Variants in TOM1 observed in about 807,000 individuals in gnomAD.
TOM1 encodes target of myb1 membrane trafficking protein.
Under a neutral mutation model 61.3 loss-of-function variants are expected in TOM1, and 38 were observed. That is an observed-to-expected ratio of 0.62 (90% CI 0.48 to 0.81). The LOEUF (loss-of-function observed/expected upper bound fraction) is 0.81, where lower values mean the gene tolerates loss of function less well. TOM1 is among the 40% of genes least tolerant of loss of function. The pLI is 0.00. For missense variants in TOM1, 591 were observed against 659.6 expected (o/e 0.90, Z 1.14); for synonymous variants, 270 against 268.8 (o/e 1.00, Z -0.04).
chr22:35,339,759 C>T (rs367779490), intron 12 of TOM1, among the ~76,000 whole-genome samples: 1,688 of 152,054 alleles, frequency 0.011, 38 homozygotes, highest in African/African-American at 0.039. Context: ...AAAAAATTAG[C>T]CGGGCGTGGT....
At chr22:35,302,468 C>T (rs1181468285) in intron 1 of TOM1, among the ~76,000 whole-genome samples, 3 of 151,448 alleles carry the variant, frequency 2.0e-5, no homozygotes, top group Non-Finnish European at 4.4e-5. Context: ...CCCAAGGTAG[C>T]CGGGATTACA....
intron 1 of TOM1, among the ~76,000 whole-genome samples, chr22:35,315,791 C>A (rs1167361270): frequency 6.6e-6 from 1 of 152,222 alleles, no homozygotes; most frequent in Admixed American, 6.5e-5. Flanking sequence ...CCTGTCCAGT[C>A]CCGCAGAAAC....
chr22:35,333,246 A>G, intron 9 of TOM1, 158 bp from the exon 10 acceptor site: 1 of 808,666 alleles, frequency 1.2e-6, no homozygotes, highest in Non-Finnish European at 2.0e-6. Context: ...GTTGAGCTGG[A>G]GCCAGAGGGG....
intron 2 of TOM1, chr22:35,318,207 T>C: frequency 1.8e-6 from 1 of 564,804 alleles, no homozygotes; most frequent in Non-Finnish European, 3.2e-6. Flanking sequence ...GCAGCCCAGA[T>C]TCCACACGGA....
intron 12 of TOM1, 119 bp downstream of exon 12, chr22:35,338,907 C>T (rs1929627025): frequency 4.3e-6 from 4 of 922,550 alleles, no homozygotes; most frequent in East Asian, 5.9e-5. Flanking sequence ...GGCCCTTCCT[C>T]GTTTGGCCGT....
chr22:35,336,502 C>G (rs1427515777), intron 11 of TOM1, among the ~76,000 whole-genome samples: 1 of 152,234 alleles, frequency 6.6e-6, no homozygotes, highest in African/African-American at 2.4e-5. Flanking sequence ...CACAGCCTTC[C>G]TGCAGCCAGT....
In TOM1 at chr22:35,332,974, C is replaced by A. The variant is rs757400563; in HGVS notation, c.900-7C>A. On this transcript the variant is annotated splice_region_variant and splice_polypyrimidine_tract_variant and intron_variant, in intron 8 of 14. Transcript: ENST00000449058. The stretch of plus-strand genomic sequence containing the variant: ...TCTCCATAACTCGTGTCTTTTCTGT[C>A]TTGTAGGTTTGAACGGTTCCGAACA... The A allele has an allele frequency of 3.7e-6, 6 of 1,614,146 alleles. No homozygotes were observed. Among genetic ancestry groups the A allele is most frequent in the South Asian group, 2.2e-5 (2 of 91,084 alleles).
chr22:35,338,669 A>G (rs1297826073), intron 11 of TOM1, 44 bp from the exon 12 acceptor site: 14 of 1,476,582 alleles, frequency 9.5e-6, no homozygotes, highest in South Asian at 1.3e-5. Context: ...TGCATCAGCC[A>G]TCGGTAAGGG....
chr22:35,344,024 C>T (rs555204913), intron 12 of TOM1, among the ~76,000 whole-genome samples: 1 of 151,806 alleles, frequency 6.6e-6, no homozygotes, highest in Admixed American at 6.5e-5. Flanking sequence ...CACACACCTA[C>T]ACTCATACAC....
Position 35,347,321 on chromosome 22 carries a change from C to A in TOM1, c.*112C>A, listed in dbSNP as rs751079811. 7 of 1,168,304 alleles carry A rather than the reference C, an allele frequency of 6.0e-6. No homozygotes were observed. Among genetic ancestry groups the A allele is most frequent in the East Asian group, 2.6e-5 (1 of 39,030 alleles). 72.4% of individuals were successfully genotyped at this position (1,168,304 alleles called of 1,614,324 possible). A position where few individuals can be genotyped will look rare whatever the true frequency, so the allele number is the denominator to read the frequency against. On this transcript the variant is annotated 3_prime_UTR_variant, in exon 15 of 15. Coordinates refer to ENST00000449058, the MANE Select transcript of TOM1 (RefSeq NM_005488.3). ...CTGCTTTGGGGGTGGCTTGTTACCC[C>A]CTTTTCCTCCTCTTTGAAGACGGAG...
At chr22:35,339,388 C>G (rs1929675934) in intron 12 of TOM1, among the ~76,000 whole-genome samples, 1 of 152,088 alleles carries the variant, frequency 6.6e-6, no homozygotes, top group African/African-American at 2.4e-5. Context: ...CCAGCTCTAC[C>G]AGTTACCAGC....
At chr22:35,331,913 A>AAGG (rs1928875594) in intron 8 of TOM1, among the ~76,000 whole-genome samples, 1 of 151,834 alleles carries the variant, frequency 6.6e-6, no homozygotes, top group African/African-American at 2.4e-5. Context: ...AGAGAAGGAG[A>AAGG]AGGATTGCTG....
At position 35,338,738 on chromosome 22, in the gene TOM1, A is replaced by G; in HGVS notation, c.1174A>G (p.Thr392Ala). 6.3e-7 allele frequency: 1 copy of G among 1,598,550 alleles called. No individual in the cohort carries two copies. Residue 392 changes from threonine (T) to alanine (A), a missense_variant, in exon 12 of 15, where the codon ACA becomes GCA. Physicochemically the swap from Thr to Ala is moderately conservative, Grantham distance 58. Transcript: ENST00000449058. ...GGTAAAATACGAAGCCCCCCAAGCA[A>G]CAGACGGCCTGGCTGGAGCCCTGGA... ...KEVKYEAPQATDGLAGALDAR... is the reference protein window; with the variant it reads ...KEVKYEAPQAADGLAGALDAR...
At chr22:35,346,848 C>A (rs1270495838) in intron 13 of TOM1, 82 bp from the exon 14 acceptor site, 2 of 1,340,468 alleles carry the variant, frequency 1.5e-6, no homozygotes, top group East Asian at 4.6e-5. Flanking sequence ...TTCAGCGGGG[C>A]CCGAGCTGCA....
chr22:35,327,917 A>G (rs1928481177), intron 7 of TOM1, among the ~76,000 whole-genome samples: 1 of 152,066 alleles, frequency 6.6e-6, no homozygotes, highest in African/African-American at 2.4e-5. Flanking sequence ...CCCAGCCCAG[A>G]TTGGGGGTCA....
At chr22:35,343,064 T>TAC (rs1482628929) in intron 12 of TOM1, among the ~76,000 whole-genome samples, 5 of 89,580 alleles carry the variant, frequency 5.6e-5, no homozygotes, top group South Asian at 4.0e-4. Flanking sequence ...CTCATACACC[T>TAC]ACACACAGCC....
Position 35,330,449 on chromosome 22 carries a change from A to C in TOM1, c.868A>C (p.Asn290His). The C allele has an allele frequency of 6.2e-7, 1 of 1,613,230 alleles. No individual in the cohort carries two copies. Among genetic ancestry groups the C allele is most frequent in the Non-Finnish European group, 8.5e-7 (1 of 1,179,702 alleles). Residue 290 changes from asparagine (N) to histidine (H), a missense_variant, in exon 8 of 15, where the codon AAT becomes CAT. Coordinates refer to ENST00000449058, the MANE Select transcript of TOM1 (RefSeq NM_005488.3). ...LTEELLIVND[N>H]LNNVFLRHER... ...AGAGGAGCTGCTCATCGTCAATGAC[A>C]ATCTCAACAATGTGTTCCTGCGCCA...
At chr22:35,335,913 G>A (rs905289969) in intron 11 of TOM1, among the ~76,000 whole-genome samples, 3 of 152,132 alleles carry the variant, frequency 2.0e-5, no homozygotes, top group African/African-American at 2.4e-5. Flanking sequence ...CATGTGCAAA[G>A]TCTCAGAGGC....
At chr22:35,303,131 AACACACAC>A (rs138739) in intron 1 of TOM1, among the ~76,000 whole-genome samples, 2 of 149,176 alleles carry the variant, frequency 1.3e-5, no homozygotes, top group Admixed American at 1.3e-4. Context: ...CTCCCCTCCC[AACACACAC>A]ACACACACAC....
Sources: gnomAD v4.1 joint callset for allele counts (sites outside exome capture counted in the v4.1 genomes callset) on GRCh38, gnomAD v4.1.1 for gene constraint, MANE v1.5 for transcripts, NCBI Gene and HGNC (gene_info 2026-07-23, HGNC 2026-07-21) for gene names.